Variants in FRMPD4 observed in about 807,000 individuals in gnomAD.
FRMPD4 encodes the protein FERM and PDZ domain-containing protein 4.
A neutral mutation model predicts 94.1 loss-of-function variants in FRMPD4; 22 were observed. That is an observed-to-expected ratio of 0.23 (90% CI 0.17 to 0.33). The LOEUF is 0.33. Among genes scored for constraint, FRMPD4 ranks in the 10% least tolerant of loss-of-function variants. The pLI, the probability that FRMPD4 is intolerant of heterozygous loss-of-function variation, is 1.00. For synonymous variants in FRMPD4, 631 were observed against 548.6 expected (o/e 1.15, Z -2.10); for missense variants, 1,111 against 1,339.9 (o/e 0.83, Z 2.67).
At chrX:11,927,012 C>T (rs1292601450) in intron 3 of FRMPD4, among the ~76,000 whole-genome samples, 2 of 111,298 alleles carry the variant, frequency 1.8e-5, no homozygotes, top group African/African-American at 6.6e-5. Flanking sequence ...ATAGTCTCAG[C>T]CCAAAAGCTT....
At chrX:12,697,620 G>A (rs1290215183) in intron 9 of FRMPD4, among the ~76,000 whole-genome samples, 1 of 112,280 alleles carries the variant, frequency 8.9e-6, no homozygotes, top group Non-Finnish European at 1.9e-5. Flanking sequence ...ACCCAGTTCT[G>A]TTTAAGGTGT....
chrX:11,931,232 C>T (rs994374277), intron 3 of FRMPD4, among the ~76,000 whole-genome samples: 2 of 111,960 alleles, frequency 1.8e-5, no homozygotes, highest in African/African-American at 6.5e-5. Flanking sequence ...TCCATTGAGG[C>T]TTATTTAGTT....
intron 1 of FRMPD4, among the ~76,000 whole-genome samples, chrX:11,860,804 G>T (rs916172274): frequency 2.7e-5 from 3 of 111,805 alleles, no homozygotes; most frequent in African/African-American, 9.7e-5. Flanking sequence ...CTGAAAGTGA[G>T]GTGGGATGAG....
intron 1 of FRMPD4, among the ~76,000 whole-genome samples, chrX:11,838,745 T>C (rs906070028): frequency 6.3e-5 from 7 of 111,683 alleles, no homozygotes; most frequent in Non-Finnish European, 1.1e-4. Context: ...CAATATGTAG[T>C]ATTTTGTATC....
intron 1 of FRMPD4, among the ~76,000 whole-genome samples, chrX:11,832,567 G>A (rs374937331): frequency 1.8e-5 from 2 of 111,684 alleles, no homozygotes; most frequent in South Asian, 3.8e-4. Context: ...AGGGAACCTC[G>A]GGGTTGGAAG....
chrX:12,253,246 C>CT (rs1437301195), intron 1 of FRMPD4, among the ~76,000 whole-genome samples: 1 of 112,434 alleles, frequency 8.9e-6, no homozygotes, highest in African/African-American at 3.2e-5. Context: ...GGATGCACCT[C>CT]TTCCAGCTCA....
At position 11,904,421 on chromosome X, in the gene FRMPD4, T is replaced by C. The variant is rs533029592; in HGVS notation, c.95+26403T>C. Among the ~76,000 whole-genome samples the C allele has an allele frequency of 3.6e-5, 4 of 112,371 alleles. No individual in the cohort carries two copies. In the South Asian group the frequency reaches 1.1e-3, roughly 32 times the overall value. On this transcript the variant is annotated intron_variant, in intron 3 of 18. Transcript: ENST00000640291. Reference sequence around the variant, plus strand: ...CTCTTTCATCGAGTCCTGTTTATCCTTGATCCTCTTAGATGAAAGGCAGGG... The same window carrying C: ...CTCTTTCATCGAGTCCTGTTTATCCCTGATCCTCTTAGATGAAAGGCAGGG...
chrX:12,294,482 A>G (rs958448052), intron 1 of FRMPD4, among the ~76,000 whole-genome samples: 3 of 86,037 alleles, frequency 3.5e-5, no homozygotes, highest in Non-Finnish European at 6.9e-5. Context: ...ACACACACAC[A>G]CACAGAGAGA....
chrX:12,424,085 A>G (rs2056918564), intron 1 of FRMPD4, among the ~76,000 whole-genome samples: 1 of 112,640 alleles, frequency 8.9e-6, no homozygotes, highest in Admixed American at 9.3e-5. Context: ...CATTTTGTAC[A>G]TTTGCACAAA....
chrX:12,432,024 C>T (rs928419202), intron 1 of FRMPD4, among the ~76,000 whole-genome samples: 2 of 112,136 alleles, frequency 1.8e-5, no homozygotes, highest in African/African-American at 6.5e-5. Flanking sequence ...TGCCTTAACT[C>T]AGGGCTCTAC....
chrX:12,707,431 G>A (rs1569066029), intron 12 of FRMPD4, 38 bp from the exon 13 acceptor site: 3 of 1,041,935 alleles, frequency 2.9e-6, no homozygotes, highest in Non-Finnish European at 3.9e-6. Context: ...GCATTTCAGA[G>A]GTTCAGTATT....
At chrX:12,230,889 ATATATATAC>A (rs1276560491) in intron 1 of FRMPD4, among the ~76,000 whole-genome samples, 14 of 88,023 alleles carry the variant, frequency 1.6e-4, no homozygotes, top group Non-Finnish European at 2.1e-4. Flanking sequence ...AATATATACT[ATATATATAC>A]TATATATACT....
chrX:12,573,902 ATTTT>A (rs1004296898), intron 2 of FRMPD4, among the ~76,000 whole-genome samples: 1 of 110,113 alleles, frequency 9.1e-6, no homozygotes, highest in Non-Finnish European at 1.9e-5. Flanking sequence ...GACATTAAAG[ATTTT>A]TTTTTTAATG....
intron 1 of FRMPD4, among the ~76,000 whole-genome samples, chrX:11,861,356 C>CT (rs1344426559): frequency 4.7e-5 from 5 of 105,485 alleles, no homozygotes; most frequent in South Asian, 8.2e-4. Flanking sequence ...GATTTTTTTT[C>CT]TTTTTTTTTT....
intron 1 of FRMPD4, among the ~76,000 whole-genome samples, chrX:11,835,841 GC>G (rs1394284660): frequency 8.9e-6 from 1 of 111,972 alleles, no homozygotes; most frequent in Admixed American, 9.5e-5. Context: ...TTTTTAAAAG[GC>G]CCCCTTTCAA....
At chrX:12,697,404 G>T (rs2060144147) in intron 9 of FRMPD4, among the ~76,000 whole-genome samples, 1 of 112,155 alleles carries the variant, frequency 8.9e-6, no homozygotes, top group African/African-American at 3.2e-5. Context: ...TATAGGCGCT[G>T]GTCAGTAGTC....
intron 1 of FRMPD4, among the ~76,000 whole-genome samples, chrX:12,336,763 C>T (rs2055531210): frequency 8.9e-6 from 1 of 111,847 alleles, no homozygotes; most frequent in Non-Finnish European, 1.9e-5. Flanking sequence ...AAAGGTCACA[C>T]CGCTGGTTCA....
At chrX:12,229,590 A>T (rs2056961339) in intron 1 of FRMPD4, among the ~76,000 whole-genome samples, 1 of 110,724 alleles carries the variant, frequency 9.0e-6, no homozygotes, top group Admixed American at 9.6e-5. Flanking sequence ...TATTCCCCTT[A>T]TCCTTAATTG....
At chrX:12,439,791 T>C (rs984230647) in intron 1 of FRMPD4, among the ~76,000 whole-genome samples, 13 of 111,992 alleles carry the variant, frequency 1.2e-4, no homozygotes, top group African/African-American at 3.6e-4. Flanking sequence ...TATTGAGGCA[T>C]TGTTTGTTAA....
Sources: gnomAD v4.1 joint callset for allele counts (sites outside exome capture counted in the v4.1 genomes callset) on GRCh38, gnomAD v4.1.1 for gene constraint, MANE v1.5 for transcripts, NCBI Gene and HGNC (gene_info 2026-07-23, HGNC 2026-07-21) for gene names.